UTRN: variants seen among roughly 807,000 people sequenced by gnomAD.
UTRN encodes the protein utrophin.
A neutral mutation model predicts 463.9 loss-of-function variants in UTRN; 283 were observed. That is an observed-to-expected ratio of 0.61 (90% CI 0.55 to 0.67). The LOEUF is 0.67. Ranked by LOEUF, UTRN falls within the 30% of genes least tolerant of loss-of-function variation. UTRN has a pLI of 0.00. For synonymous variants in UTRN, 1,442 were observed against 1,431.5 expected (o/e 1.01, Z -0.17); for missense variants, 3,922 against 4,084.3 (o/e 0.96, Z 1.08).
chr6:144,366,201 A>C (rs1481923849), intron 2 of UTRN, among the ~76,000 whole-genome samples: 4 of 152,220 alleles, frequency 2.6e-5, no homozygotes, highest in Non-Finnish European at 4.4e-5. Context: ...AAGCCAGGAG[A>C]GTATACCCGT....
chr6:144,333,303 C>T (rs188982960), intron 2 of UTRN: 10 of 152,262 alleles, frequency 6.6e-5, no homozygotes, highest in Non-Finnish European at 1.5e-4. Flanking sequence ...TTGATGGGCT[C>T]ATTTTTATTG....
At chr6:144,285,897 A>AGG (rs887765914) in intron 1 of UTRN, 76 bp downstream of exon 1, 1 of 152,144 alleles carries the variant, frequency 6.6e-6, no homozygotes, top group Non-Finnish European at 1.5e-5. Flanking sequence ...GGGGGCCGGG[A>AGG]GGAGGATGGC....
intron 65 of UTRN, among the ~76,000 whole-genome samples, chr6:144,814,446 T>C (rs1778901881): frequency 1.3e-5 from 2 of 152,220 alleles, no homozygotes; most frequent in South Asian, 4.1e-4. Flanking sequence ...CATGCTGTAA[T>C]TGTAAATACC....
chr6:144,477,440 G>T (rs1791334330), intron 25 of UTRN, among the ~76,000 whole-genome samples: 1 of 151,914 alleles, frequency 6.6e-6, no homozygotes, highest in African/African-American at 2.4e-5. Flanking sequence ...AAAAGTTAAA[G>T]AATGATAAAA....
chr6:144,479,583 G>A (rs1165973263), intron 25 of UTRN, among the ~76,000 whole-genome samples: 7 of 152,084 alleles, frequency 4.6e-5, no homozygotes, highest in African/African-American at 7.2e-5. Context: ...TAGCTATTTC[G>A]AGATAAGAGT....
intron 13 of UTRN, among the ~76,000 whole-genome samples, 164 bp from the exon 14 acceptor site, chr6:144,444,117 C>G (rs538378439): frequency 6.6e-6 from 1 of 152,118 alleles, no homozygotes; most frequent in African/African-American, 2.4e-5. Flanking sequence ...CTGATTCATA[C>G]ATTTCTAGGC....
chr6:144,457,603 C>A (rs1788987118), intron 19 of UTRN, among the ~76,000 whole-genome samples: 1 of 152,170 alleles, frequency 6.6e-6, no homozygotes, highest in Non-Finnish European at 1.5e-5. Flanking sequence ...GAATGCTTTG[C>A]TTATGTCTCA....
At chr6:144,416,297 T>C (rs1464466450) in intron 3 of UTRN, among the ~76,000 whole-genome samples, 3 of 152,158 alleles carry the variant, frequency 2.0e-5, no homozygotes, top group Non-Finnish European at 4.4e-5. Flanking sequence ...AAATTCAGAT[T>C]TCCACCTTCT....
intron 62 of UTRN, among the ~76,000 whole-genome samples, chr6:144,791,067 T>C (rs1776716585): frequency 6.6e-6 from 1 of 152,226 alleles, no homozygotes; most frequent in East Asian, 1.9e-4. Flanking sequence ...TTAATCTAAA[T>C]CTTTACTGGG....
chr6:144,477,871 C>T (rs6940038), intron 25 of UTRN, among the ~76,000 whole-genome samples: 4,971 of 68,560 alleles, frequency 0.073, 114 homozygotes, highest in African/African-American at 0.2. Context: ...GTTTGTATCT[C>T]TATCTATCTA....
intron 2 of UTRN, among the ~76,000 whole-genome samples, chr6:144,298,346 CAT>C (rs1052427240): frequency 6.6e-6 from 1 of 152,188 alleles, no homozygotes; most frequent in African/African-American, 2.4e-5. Flanking sequence ...TGGATTTGCA[CAT>C]GTCAATTCCA....
At chr6:144,791,830 A>G (rs1776781647) in intron 62 of UTRN, among the ~76,000 whole-genome samples, 1 of 152,222 alleles carries the variant, frequency 6.6e-6, no homozygotes, top group African/African-American at 2.4e-5. Flanking sequence ...TTTTACTTTA[A>G]TAGTGGCATA....
chr6:144,444,393 G>A lies in UTRN; in HGVS notation c.1614+11G>A. 2 of 1,592,600 alleles carry A rather than the reference G, an allele frequency of 1.3e-6. No homozygotes were observed. The highest frequency in any genetic ancestry group is 8.6e-7 in the Non-Finnish European group (1 of 1,167,922). On this transcript the variant is annotated intron_variant, in intron 14 of 74. Transcript: ENST00000367545. ...TTATTGGAAGAACAGGTATGAAACT[G>A]TTTTCCATAAGGGGCAAAATAAATG...
chr6:144,606,924 C>G (rs1804914067), intron 51 of UTRN, among the ~76,000 whole-genome samples: 1 of 152,168 alleles, frequency 6.6e-6, no homozygotes, highest in Non-Finnish European at 1.5e-5. Flanking sequence ...AGGTGAACGC[C>G]TGTAAGGAGG....
chr6:144,757,323 G>T lies in UTRN; in HGVS notation c.8435-606G>T, dbSNP rs73593833. Among the ~76,000 whole-genome samples, 269 of 151,630 alleles carry T rather than the reference G, an allele frequency of 1.8e-3. 1 individual carries two copies. Among genetic ancestry groups the T allele is most frequent in the African/African-American group, 6.3e-3 (261 of 41,428 alleles). ...GGTCTAGTGCAAAAGTAGGAGACTGGGCTCTCTGTATGTTTCAGATGAAAG... is the reference window on the plus strand; with the variant it reads ...GGTCTAGTGCAAAAGTAGGAGACTGTGCTCTCTGTATGTTTCAGATGAAAG... On this transcript the variant is annotated intron_variant, in intron 57 of 74. Coordinates refer to ENST00000367545, the MANE Select transcript of UTRN (RefSeq NM_007124.3).
At chr6:144,353,315 C>T (rs901523094) in intron 2 of UTRN, among the ~76,000 whole-genome samples, 2 of 152,038 alleles carry the variant, frequency 1.3e-5, no homozygotes, top group South Asian at 2.1e-4. Context: ...GGGGTTTCAC[C>T]GTGTTAGCCA....
chr6:144,777,294 G>A (rs2128736114), intron 60 of UTRN, among the ~76,000 whole-genome samples: 1 of 152,186 alleles, frequency 6.6e-6, no homozygotes, highest in Admixed American at 6.5e-5. Flanking sequence ...AAATCAATGA[G>A]CTAGTAATCA....
Position 144,337,764 on chromosome 6 carries a change from G to A in UTRN, c.79+45857G>A, listed in dbSNP as rs542486257. On this transcript the variant is annotated intron_variant, in intron 2 of 74. Transcript: ENST00000367545. ...TGAATAGCTGGGATTACAGGCACAC[G>A]CCACCACGCCTGGCTAATTTTTGTA... 2.4e-3 allele frequency among the ~76,000 whole-genome samples: 364 copies of A among 152,154 alleles called. 2 individuals are homozygous for A. Among genetic ancestry groups the A allele is most frequent in the African/African-American group, 7.9e-3 (327 of 41,494 alleles).
rs188370918 is a variant in UTRN, at chr6:144,409,637, T to A, written c.141+6453T>A. ...AGAGGTAGTGGTTGAGGGGAGAGAATCTCTACCTATTACACAGAGCAAGGA... is the reference window on the plus strand; with the variant it reads ...AGAGGTAGTGGTTGAGGGGAGAGAAACTCTACCTATTACACAGAGCAAGGA... On this transcript the variant is annotated intron_variant, in intron 3 of 74. Transcript: ENST00000367545. 3.3e-5 allele frequency among the ~76,000 whole-genome samples: 5 copies of A among 152,030 alleles called. No individual in the cohort carries two copies. The East Asian group carries it at 9.7e-4, about 29-fold the overall frequency.
Sources: gnomAD v4.1 joint callset for allele counts (sites outside exome capture counted in the v4.1 genomes callset) on GRCh38, gnomAD v4.1.1 for gene constraint, MANE v1.5 for transcripts, NCBI Gene and HGNC (gene_info 2026-07-23, HGNC 2026-07-21) for gene names.